ALPK2: variants seen among roughly 807,000 people sequenced by gnomAD.
ALPK2 encodes the protein alpha-protein kinase 2.
In ALPK2, 127 loss-of-function variants were observed where a neutral mutation model predicts 163.1. The ratio of observed to expected loss-of-function variants is 0.78; its 90% confidence interval spans 0.67 to 0.90. The LOEUF (loss-of-function observed/expected upper bound fraction) is 0.90. Ranked by LOEUF, ALPK2 falls within the 40% of genes least tolerant of loss-of-function variation. The pLI is 0.00. For synonymous variants in ALPK2, 953 were observed against 959.1 expected, an observed-to-expected ratio of 0.99 and a Z score of 0.12; for missense variants, 2,360 against 2,589.6, an observed-to-expected ratio of 0.91 and a Z score of 1.92.
At chr18:58,524,249 A>G (rs1295578531) in intron 6 of ALPK2, among the ~76,000 whole-genome samples, 187 bp from the exon 7 acceptor site, 4 of 152,256 alleles carry the variant, frequency 2.6e-5, no homozygotes, top group African/African-American at 9.6e-5. Context: ...GAGTCATTAC[A>G]TTTTGGCTAA....
At chr18:58,628,364 T>C (rs2052242379) in intron 1 of ALPK2, among the ~76,000 whole-genome samples, 1 of 152,202 alleles carries the variant, frequency 6.6e-6, no homozygotes. Context: ...GACAAAAGTC[T>C]CTGGGGCCTG....
chr18:58,564,123 C>CTTTTTTTTTTTTTTTTTTTTTTTT lies in ALPK2; in HGVS notation c.1962+14690_1962+14691insAAAAAAAAAAAAAAAAAAAAAAAA, dbSNP rs10689097. Among the ~76,000 whole-genome samples, 26 of 102,450 alleles carry CTTTTTTTTTTTTTTTTTTTTTTTT rather than the reference C, an allele frequency of 2.5e-4. 3 individuals carry two copies. The highest frequency in any genetic ancestry group is 8.3e-4 in the African/African-American group (20 of 24,188). The allele number at this position is 102,450 out of a possible 152,430, so 67.2% of individuals were successfully genotyped here. On this transcript the variant is annotated intron_variant, in intron 4 of 12. Transcript: ENST00000361673. ...GAATTGCGTATTTGATGTCTTTGTT[C>CTTTTTTTTTTTTTTTTTTTTTTTT]TTTTTTTTTTTTTTTTGAGATGGAG...
chr18:58,482,427 A>G (rs2051316443), intron 12 of ALPK2, among the ~76,000 whole-genome samples: 1 of 152,184 alleles, frequency 6.6e-6, no homozygotes, highest in Admixed American at 6.6e-5. Flanking sequence ...GAAGTTCTCA[A>G]TAAAGAATTT....
intron 3 of ALPK2, among the ~76,000 whole-genome samples, chr18:58,581,314 A>G (rs1322599201): frequency 2.0e-5 from 3 of 152,236 alleles, no homozygotes; most frequent in African/African-American, 7.2e-5. Flanking sequence ...GGCCGTAAAG[A>G]TAATACCATG....
At chr18:58,524,170 C>G (rs892139490) in intron 6 of ALPK2, 108 bp from the exon 7 acceptor site, 1 of 1,443,064 alleles carries the variant, frequency 6.9e-7, no homozygotes, top group African/African-American at 1.4e-5. Flanking sequence ...CACATGTTTT[C>G]AGCCAGTGAG....
At chr18:58,514,221 T>C (rs1486061983) in intron 10 of ALPK2, among the ~76,000 whole-genome samples, 1 of 152,236 alleles carries the variant, frequency 6.6e-6, no homozygotes, top group African/African-American at 2.4e-5. Flanking sequence ...CTTCCAAATG[T>C]ACCACCCAAG....
rs2051666066 is a variant in ALPK2 at position 58,538,105 on chromosome 18, T to C, written c.2082A>G (p.Leu694=). The C allele has an allele frequency of 1.2e-6, 2 of 1,614,084 alleles. No homozygotes were observed. The highest frequency in any genetic ancestry group is 2.2e-5 in the East Asian group (1 of 44,876). The change falls in exon 5 of 13, where the codon TTA becomes TTG. Residue 694 remains leucine (L), a synonymous_variant. Transcript: ENST00000361673. ...TGTTTISFSN[L]GGVHKENASL... is the part of the protein sequence containing the mutation. ...ATGCATTTTCCTTGTGGACCCCTCC[T>C]AAGTTTGAGAAGGAAATTGTTGTGG... is the stretch of plus-strand genomic sequence containing the variant.
At position 58,531,917 on chromosome 18, in the gene ALPK2, C is replaced by G. The variant is rs189479345; in HGVS notation, c.5354-2679G>C. Among the ~76,000 whole-genome samples the G allele has an allele frequency of 2.5e-4, 26 of 105,080 alleles. No individual in the cohort carries two copies. In the East Asian group the frequency reaches 7.0e-3, roughly 28 times the overall value. The allele number at this position is 105,080 out of a possible 152,430, so 68.9% of individuals were successfully genotyped here. A position where few individuals can be genotyped will look rare whatever the true frequency, so the allele number is the denominator to read the frequency against. ...GCACCACTGTGCTCCAGCCTAGTGA[C>G]AGAGCAAGGCTCCGTCTCAAAAAAA... is the stretch of plus-strand genomic sequence containing the variant. On this transcript the variant is annotated intron_variant, in intron 5 of 12. Transcript: ENST00000361673.
At chr18:58,533,299 A>G (rs1038881850) in intron 5 of ALPK2, among the ~76,000 whole-genome samples, 2 of 152,154 alleles carry the variant, frequency 1.3e-5, no homozygotes, top group Non-Finnish European at 2.9e-5. Context: ...CAAGAATTCC[A>G]AAAAGGTGGT....
At position 58,517,083 on chromosome 18, in the gene ALPK2, T is replaced by C. The variant is rs1163171320; in HGVS notation, c.5765A>G (p.Glu1922Gly). 6.2e-7 allele frequency: 1 copy of C among 1,614,236 alleles called. No homozygotes were observed. Among genetic ancestry groups the C allele is most frequent in the South Asian group, 1.1e-5 (1 of 91,086 alleles). Residue 1922 changes from glutamate to glycine, a missense_variant, in exon 9 of 13, where the codon GAG (glutamate) becomes GGG (glycine). Physicochemically the swap from Glu to Gly is moderately conservative, Grantham distance 98 (BLOSUM62 -2). Transcript: ENST00000361673. ...GTGAACCCCTTCTCCAAAGTGCAGCTCCTCCGTGGCGATCTGACCACGCAG... is the reference window on the plus strand; with the variant it reads ...GTGAACCCCTTCTCCAAAGTGCAGCCCCTCCGTGGCGATCTGACCACGCAG... ...GRLRGQIATEELHFGEGVHRK... is the reference protein window; with the variant it reads ...GRLRGQIATEGLHFGEGVHRK...
chr18:58,496,467 C>T (rs968620534), intron 12 of ALPK2, among the ~76,000 whole-genome samples: 1 of 152,338 alleles, frequency 6.6e-6, no homozygotes, highest in East Asian at 1.9e-4. Flanking sequence ...GTTCTAAAAC[C>T]CAACTGGAAG....
intron 6 of ALPK2, among the ~76,000 whole-genome samples, chr18:58,526,122 C>A (rs929003561): frequency 2.0e-5 from 3 of 152,116 alleles, no homozygotes; most frequent in Non-Finnish European, 4.4e-5. Flanking sequence ...AGTTTCATAT[C>A]CTCTTACCCT....
chr18:58,481,800 G>T lies in ALPK2; in HGVS notation c.*23C>A, dbSNP rs1272769412. 4.4e-6 allele frequency: 7 copies of T among 1,580,694 alleles called. No homozygotes were observed. The highest frequency in any genetic ancestry group is 5.2e-6 in the Non-Finnish European group (6 of 1,150,324). On this transcript the variant is annotated 3_prime_UTR_variant, in exon 13 of 13. Coordinates refer to ENST00000361673, the MANE Select transcript of ALPK2 (RefSeq NM_052947.4). ...GCGAGATTGTGTGCTGCTAGCCAGT[G>T]GCCATTAGGTTACCCAGGGACGTTA... is the stretch of plus-strand genomic sequence containing the variant.
In ALPK2 at chr18:58,529,158, C is replaced by G. The variant is rs760737880; in HGVS notation, c.5434G>C (p.Glu1812Gln). ...GNVKLSCQFA[E>Q]IHEDSTICWT... ...CAGATAGTAGAATCTTCATGAATTT[C>G]TGCAAATTGGCAGCTTAATTTTACA... Residue 1812 changes from glutamate (E) to glutamine (Q), a missense_variant, in exon 6 of 13, where the codon GAA becomes CAA. Physicochemically the swap from Glu to Gln is conservative, Grantham distance 29 (BLOSUM62 2). Coordinates refer to ENST00000361673, the MANE Select transcript of ALPK2 (RefSeq NM_052947.4). The G allele has an allele frequency of 1.9e-6, 3 of 1,614,082 alleles. No individual in the cohort carries two copies. Among genetic ancestry groups the G allele is most frequent in the Non-Finnish European group, 2.5e-6 (3 of 1,179,972 alleles).
intron 3 of ALPK2, among the ~76,000 whole-genome samples, chr18:58,605,722 C>T (rs2052094632): frequency 6.6e-6 from 1 of 152,180 alleles, no homozygotes; most frequent in African/African-American, 2.4e-5. Flanking sequence ...GAGACCTCGA[C>T]AAGGTTGGAA....
chr18:58,612,987 C>G (rs576827259), intron 1 of ALPK2, among the ~76,000 whole-genome samples: 51 of 152,148 alleles, frequency 3.4e-4, no homozygotes, highest in Middle Eastern at 3.4e-3. Context: ...CTGAGGTCCC[C>G]AAAGCAGACA....
intron 2 of ALPK2, 76 bp downstream of exon 2, chr18:58,611,613 T>G: frequency 7.7e-7 from 1 of 1,295,092 alleles, no homozygotes; most frequent in Non-Finnish European, 1.1e-6. Flanking sequence ...GATGTTTTAG[T>G]AATGCCTTTG....
chr18:58,517,867 A>G (rs892270517), intron 8 of ALPK2, among the ~76,000 whole-genome samples: 15 of 152,236 alleles, frequency 9.9e-5, no homozygotes, highest in South Asian at 2.1e-4. Context: ...AGAGAAATCG[A>G]AAAAAAGGTA....
At chr18:58,625,204 C>T (rs1393813033) in intron 1 of ALPK2, among the ~76,000 whole-genome samples, 2 of 151,260 alleles carry the variant, frequency 1.3e-5, no homozygotes, top group Non-Finnish European at 2.9e-5. Flanking sequence ...AAAAAAGCCC[C>T]CTAAAAACTA....
Sources: gnomAD v4.1 joint callset for allele counts (sites outside exome capture counted in the v4.1 genomes callset) on GRCh38, gnomAD v4.1.1 for gene constraint, MANE v1.5 for transcripts, NCBI Gene and HGNC (gene_info 2026-07-23, HGNC 2026-07-21) for gene names.